NDUFA10: variants seen among roughly 807,000 people sequenced by gnomAD.
The protein encoded by NDUFA10 is NADH:ubiquinone oxidoreductase subunit A10.
A neutral mutation model predicts 47.8 loss-of-function variants in NDUFA10; 40 were observed. The observed-to-expected ratio is 0.84, with a 90% CI of 0.65 to 1.09. The LOEUF (loss-of-function observed/expected upper bound fraction) is 1.09. NDUFA10 is among the 50% of genes least tolerant of loss of function. The pLI is 0.00. For synonymous variants in NDUFA10, 183 were observed against 172.2 expected (o/e 1.06, Z -0.49); for missense variants, 413 against 451.1 (o/e 0.92, Z 0.76).
chr2:239,967,316 C>G (rs1695115788), intron 9 of NDUFA10, among the ~76,000 whole-genome samples: 1 of 152,210 alleles, frequency 6.6e-6, no homozygotes, highest in African/African-American at 2.4e-5. Flanking sequence ...GGTCGGCAAA[C>G]TGTAGCCCAC....
At position 239,960,054 on chromosome 2, in the gene NDUFA10, A is replaced by T; in HGVS notation, c.*1064T>A. ...AAGGAACCCAATTTTAAACTCTATTACATTTTAGCTCATTTAAATTTCAAT... is the reference window on the plus strand; with the variant it reads ...AAGGAACCCAATTTTAAACTCTATTTCATTTTAGCTCATTTAAATTTCAAT... On this transcript the variant is annotated 3_prime_UTR_variant, in exon 10 of 10. Transcript: ENST00000252711. 2.3e-5 allele frequency: 23 copies of T among 985,106 alleles called. No individual in the cohort carries two copies. The highest frequency in any genetic ancestry group is 2.7e-5 in the Non-Finnish European group (22 of 829,602). The allele number at this position is 985,106 out of a possible 1,614,324, so 61.0% of individuals were successfully genotyped here.
At chr2:239,924,529 G>A (rs987224639) in intron 4 of NDUFA10, among the ~76,000 whole-genome samples, 6 of 151,670 alleles carry the variant, frequency 4.0e-5, no homozygotes, top group Admixed American at 2.0e-4. Context: ...AAAACCTCTC[G>A]GCAAACAGGT....
intron 4 of NDUFA10, among the ~76,000 whole-genome samples, chr2:239,913,018 G>A (rs903712569): frequency 2.0e-5 from 3 of 152,150 alleles, no homozygotes; most frequent in Non-Finnish European, 4.4e-5. Flanking sequence ...CAGGTGACCT[G>A]CCCAAAGCTC....
chr2:239,929,363 G>A (rs747014974), intron 4 of NDUFA10, among the ~76,000 whole-genome samples: 1 of 152,154 alleles, frequency 6.6e-6, no homozygotes, highest in African/African-American at 2.4e-5. Flanking sequence ...AGGGTCTCAC[G>A]AGGCCATTTC....
intron 9 of NDUFA10, among the ~76,000 whole-genome samples, chr2:239,979,390 A>C (rs1695675576): frequency 6.6e-6 from 1 of 152,118 alleles, no homozygotes; most frequent in African/African-American, 2.4e-5. Context: ...AACACAGCAG[A>C]GGCCCAGGGC....
intron 5 of NDUFA10, chr2:240,012,833 TAAG>T (rs1324772836): frequency 6.6e-6 from 1 of 152,222 alleles, no homozygotes; most frequent in Non-Finnish European, 1.5e-5. Context: ...TATTTTCCAA[TAAG>T]GACTTGGTGT....
At chr2:240,000,578 T>C (rs1696669383) in intron 8 of NDUFA10, among the ~76,000 whole-genome samples, 1 of 152,228 alleles carries the variant, frequency 6.6e-6, no homozygotes, top group African/African-American at 2.4e-5. Context: ...TAATTGTACA[T>C]TGTTTACAAA....
At position 239,935,862 on chromosome 2, in the gene NDUFA10, C is replaced by T. The variant is rs193163057; in HGVS notation, c.295-40548G>A. On this transcript the variant is annotated intron_variant, in intron 4 of 5. Transcript: ENST00000419408. ...TCCCCAGCCACATGGAACTGTGAGT[C>T]CATTAAACCTCTTTTTCTTTATAAA... 2.5e-3 allele frequency among the ~76,000 whole-genome samples: 385 copies of T among 152,270 alleles called. 1 individual carries two copies. The highest frequency in any genetic ancestry group is 8.1e-3 in the African/African-American group (337 of 41,544).
intron 4 of NDUFA10, among the ~76,000 whole-genome samples, chr2:239,935,851 G>C (rs562303547): frequency 6.6e-6 from 1 of 152,300 alleles, no homozygotes; most frequent in East Asian, 1.9e-4. Flanking sequence ...CAGCCACATG[G>C]AACTGTGAGT....
intron 8 of NDUFA10, among the ~76,000 whole-genome samples, chr2:240,004,409 G>A (rs944221779): frequency 3.3e-5 from 5 of 151,758 alleles, no homozygotes; most frequent in African/African-American, 4.9e-5. Flanking sequence ...AAGTCATATC[G>A]TATTACTCCT....
chr2:239,965,667 G>A (rs1048042965), intron 9 of NDUFA10, among the ~76,000 whole-genome samples: 1 of 152,182 alleles, frequency 6.6e-6, no homozygotes, highest in Non-Finnish European at 1.5e-5. Flanking sequence ...AACTATCTCA[G>A]GTGAACTATC....
At chr2:240,004,141 T>G (rs1696844224) in intron 8 of NDUFA10, among the ~76,000 whole-genome samples, 1 of 148,078 alleles carries the variant, frequency 6.8e-6, no homozygotes, top group African/African-American at 2.5e-5. Context: ...AGTGAGAGAG[T>G]GGGGGAGGAG....
rs1694792392 is a variant in NDUFA10, at chr2:239,960,187, A to G, written c.*931T>C. The G allele has an allele frequency of 1.0e-6, 1 of 980,998 alleles. No individual in the cohort carries two copies. Among genetic ancestry groups the G allele is most frequent in the African/African-American group, 1.9e-5 (1 of 53,452 alleles). The allele number at this position is 980,998 out of a possible 1,614,324, so 60.8% of individuals were successfully genotyped here. A position where few individuals can be genotyped will look rare whatever the true frequency, so the allele number is the denominator to read the frequency against. ...TGGCAGCCTGATTCCTAATGGACAC[A>G]GTGGAGCTTTACAGTGGAAAACCCA... On this transcript the variant is annotated 3_prime_UTR_variant, in exon 10 of 10. Transcript: ENST00000252711.
chr2:239,999,472 G>C (rs557510269), intron 8 of NDUFA10, among the ~76,000 whole-genome samples: 2 of 152,108 alleles, frequency 1.3e-5, no homozygotes, highest in Non-Finnish European at 2.9e-5. Flanking sequence ...CCCTGCATGC[G>C]GGTTCCCCAT....
intron 4 of NDUFA10, among the ~76,000 whole-genome samples, chr2:239,938,804 A>G (rs1275225281): frequency 6.6e-6 from 1 of 152,222 alleles, no homozygotes; most frequent in Admixed American, 6.5e-5. Flanking sequence ...AACGGCACAG[A>G]GAAGACGGCG....
At chr2:239,988,107 T>C (rs1016458941) in intron 9 of NDUFA10, among the ~76,000 whole-genome samples, 2 of 152,060 alleles carry the variant, frequency 1.3e-5, no homozygotes, top group African/African-American at 4.8e-5. Flanking sequence ...ATCCTAAATA[T>C]TCAGAATAAA....
intron 1 of NDUFA10, among the ~76,000 whole-genome samples, chr2:240,023,988 C>T (rs1220614383): frequency 2.0e-5 from 3 of 152,272 alleles, no homozygotes; most frequent in African/African-American, 7.2e-5. Flanking sequence ...GACAGCCCCG[C>T]ATGCTGGCGA....
At chr2:239,964,250 A>G (rs759377887) in intron 9 of NDUFA10, among the ~76,000 whole-genome samples, 4 of 152,146 alleles carry the variant, frequency 2.6e-5, no homozygotes, top group Non-Finnish European at 5.9e-5. Context: ...GCCCCAGGCC[A>G]TCACTAGGGT....
chr2:240,017,830 C>G (rs1697426340), intron 4 of NDUFA10: 1 of 1,562,836 alleles, frequency 6.4e-7, no homozygotes, highest in Non-Finnish European at 8.7e-7. Context: ...TTGCTTCGGC[C>G]TCCTCTTTCA....
Sources: gnomAD v4.1 joint callset for allele counts (sites outside exome capture counted in the v4.1 genomes callset) on GRCh38, gnomAD v4.1.1 for gene constraint, MANE v1.5 for transcripts, NCBI Gene and HGNC (gene_info 2026-07-23, HGNC 2026-07-21) for gene names.